THRB: variants seen among roughly 807,000 people sequenced by gnomAD.
THRB encodes the protein thyroid hormone receptor beta, also known as nuclear receptor subfamily 1 group A member 2.
Under a neutral mutation model 47.8 loss-of-function variants are expected in THRB, and 12 were observed. That is an observed-to-expected ratio of 0.25 (90% CI 0.16 to 0.41). The LOEUF (loss-of-function observed/expected upper bound fraction) is 0.41. THRB is among the 10% of genes least tolerant of loss of function. The pLI is 1.00. For synonymous variants in THRB, 218 were observed against 212.2 expected (o/e 1.03, Z -0.24); for missense variants, 348 against 589.2 (o/e 0.59, Z 4.24).
At chr3:24,390,058 C>T (rs1026072844) in intron 1 of THRB, among the ~76,000 whole-genome samples, 2 of 152,252 alleles carry the variant, frequency 1.3e-5, no homozygotes, top group Non-Finnish European at 2.9e-5. Context: ...ATAGCAAACC[C>T]ACTGCTTTAG....
chr3:24,411,443 A>C (rs1309165816), intron 1 of THRB, among the ~76,000 whole-genome samples: 1 of 151,768 alleles, frequency 6.6e-6, no homozygotes, highest in African/African-American at 2.4e-5. Flanking sequence ...TACTATGGTC[A>C]TATTTAAATC....
chr3:24,335,251 C>T (rs2062173027), intron 2 of THRB, among the ~76,000 whole-genome samples: 1 of 152,178 alleles, frequency 6.6e-6, no homozygotes, highest in Admixed American at 6.5e-5. Context: ...ATCTCTACTC[C>T]CAGAACTCCC....
intron 1 of THRB, among the ~76,000 whole-genome samples, chr3:24,467,662 G>A (rs1418255055): frequency 2.0e-5 from 3 of 152,194 alleles, no homozygotes; most frequent in African/African-American, 4.8e-5. Context: ...GTCATATTTT[G>A]AAAGGAATGT....
At chr3:24,233,609 A>AAGAAAGAAAGAAAGAAAGAAAGAAAG (rs2048549631) in intron 3 of THRB, among the ~76,000 whole-genome samples, 1 of 148,846 alleles carries the variant, frequency 6.7e-6, no homozygotes, top group Non-Finnish European at 1.5e-5. Flanking sequence ...GAAAGAAAGA[A>AAGAAAGAAAGAAAGAAAGAAAGAAAG]AGAAAGAGAA....
intron 1 of THRB, among the ~76,000 whole-genome samples, chr3:24,386,946 A>G (rs748363409): frequency 4.9e-4 from 75 of 152,152 alleles, no homozygotes; most frequent in Non-Finnish European, 9.3e-4. Flanking sequence ...TTAGGCATTC[A>G]TATTAGCTAT....
intron 3 of THRB, among the ~76,000 whole-genome samples, chr3:24,274,500 T>C (rs967839273): frequency 1.3e-5 from 2 of 152,236 alleles, no homozygotes; most frequent in African/African-American, 4.8e-5. Context: ...GGAATGAGTA[T>C]GTGTCTAAAC....
At chr3:24,317,149 G>A (rs920457134) in intron 2 of THRB, among the ~76,000 whole-genome samples, 6 of 152,120 alleles carry the variant, frequency 3.9e-5, no homozygotes, top group African/African-American at 7.2e-5. Context: ...AAAAGAAGCC[G>A]CATAGTATGG....
At position 24,334,875 on chromosome 3, in the gene THRB, A is replaced by C. The variant is rs937868904; in HGVS notation, c.-189+2425T>G. On this transcript the variant is annotated intron_variant, in intron 2 of 10. Transcript: ENST00000646209. ...TTAGGAGGCAAAGTCCAGCATAGTT[A>C]AAAGCGTAGAATTCCATGTCACCTG... 3.3e-5 allele frequency among the ~76,000 whole-genome samples: 5 copies of C among 152,240 alleles called. No homozygotes were observed. The South Asian group carries it at 1.0e-3, about 31-fold the overall frequency.
intron 1 of THRB, among the ~76,000 whole-genome samples, chr3:24,412,067 C>T (rs7648757): frequency 0.73 from 111,204 of 151,634 alleles, 41,261 homozygotes; most frequent in African/African-American, 0.83. Flanking sequence ...ATGACATGTA[C>T]AGAGTACTCC....
At chr3:24,152,948 G>A (rs1377401886) in intron 5 of THRB, among the ~76,000 whole-genome samples, 1 of 131,390 alleles carries the variant, frequency 7.6e-6, no homozygotes, top group Non-Finnish European at 1.6e-5. Context: ...GGCGACAAGA[G>A]CGAAATTCTG....
chr3:24,191,954 T>A (rs1269703350), intron 4 of THRB, among the ~76,000 whole-genome samples: 2 of 152,228 alleles, frequency 1.3e-5, no homozygotes, highest in Non-Finnish European at 2.9e-5. Context: ...TAACATTTGA[T>A]CTTATTCAGA....
At chr3:24,493,080 A>G (rs1698422018) in intron 1 of THRB, among the ~76,000 whole-genome samples, 1 of 152,222 alleles carries the variant, frequency 6.6e-6, no homozygotes, top group African/African-American at 2.4e-5. Flanking sequence ...ACTCCAAACA[A>G]ATCACTTGGT....
rs530353637 is a variant in THRB at position 24,438,217 on chromosome 3, T to C, written c.-261+56435A>G. On this transcript the variant is annotated intron_variant, in intron 1 of 10. Coordinates refer to ENST00000646209, the MANE Select transcript of THRB (RefSeq NM_001354712.2). The stretch of plus-strand genomic sequence containing the variant: ...CAGAATGAAGCACATTGATCTAGGC[T>C]CCCAAACCAGGCCGTCATCCTCCAC... Among the ~76,000 whole-genome samples the C allele has an allele frequency of 4.6e-5, 7 of 152,056 alleles. No individual in the cohort carries two copies. In the South Asian group the frequency reaches 1.5e-3, roughly 32 times the overall value.
At chr3:24,199,745 G>A (rs148919831) in intron 4 of THRB, among the ~76,000 whole-genome samples, 1 of 152,232 alleles carries the variant, frequency 6.6e-6, no homozygotes, top group East Asian at 1.9e-4. Context: ...ATTTATAGAG[G>A]ATGCTTATTA....
chr3:24,309,338 T>C (rs1225314786), intron 2 of THRB, among the ~76,000 whole-genome samples: 5 of 152,244 alleles, frequency 3.3e-5, no homozygotes, highest in African/African-American at 1.2e-4. Context: ...TTTGTTTCTT[T>C]ACTCTCTTTG....
intron 8 of THRB, among the ~76,000 whole-genome samples, chr3:24,136,223 T>C (rs913121519): frequency 6.6e-6 from 1 of 152,178 alleles, no homozygotes; most frequent in Admixed American, 6.5e-5. Context: ...GAAATATATA[T>C]CAAGGTAGAA....
intron 1 of THRB, among the ~76,000 whole-genome samples, chr3:24,492,952 A>G (rs1698393515): frequency 6.6e-6 from 1 of 152,264 alleles, no homozygotes; most frequent in Admixed American, 6.5e-5. Flanking sequence ...TTACTAGCAG[A>G]TGGTCTCACT....
intron 1 of THRB, among the ~76,000 whole-genome samples, chr3:24,398,481 T>C (rs1469308711): frequency 6.6e-6 from 1 of 152,172 alleles, no homozygotes; most frequent in Non-Finnish European, 1.5e-5. Context: ...GAAAAAATGC[T>C]CATCATCACT....
intron 4 of THRB, among the ~76,000 whole-genome samples, chr3:24,214,243 T>C (rs1057267475): frequency 1.3e-5 from 2 of 152,136 alleles, no homozygotes; most frequent in African/African-American, 2.4e-5. Context: ...TTAGGGCATA[T>C]AAAATGGCTG....
Sources: gnomAD v4.1 joint callset for allele counts (sites outside exome capture counted in the v4.1 genomes callset) on GRCh38, gnomAD v4.1.1 for gene constraint, MANE v1.5 for transcripts, NCBI Gene and HGNC (gene_info 2026-07-23, HGNC 2026-07-21) for gene names.